Variants in CNTN4 observed in about 807,000 individuals in gnomAD.
CNTN4 encodes contactin 4.
Under a neutral mutation model 122.5 loss-of-function variants are expected in CNTN4, and 77 were observed. That is an observed-to-expected ratio of 0.63 (90% CI 0.52 to 0.76). The LOEUF is 0.76. CNTN4 is among the 30% of genes least tolerant of loss of function. The pLI, the probability that CNTN4 is intolerant of heterozygous loss-of-function variation, is 0.00. For synonymous variants in CNTN4, 512 were observed against 447.0 expected (o/e 1.15, Z -1.83); for missense variants, 1,256 against 1,259.1 (o/e 1.00, Z 0.04).
chr3:2,900,947 G>T lies in CNTN4; in HGVS notation c.1077+126G>T, dbSNP rs1159116804. 33 of 1,241,618 alleles carry T rather than the reference G, an allele frequency of 2.7e-5. No homozygotes were observed. The South Asian group carries it at 3.9e-4, about 15-fold the overall frequency. 76.9% of individuals were successfully genotyped at this position (1,241,618 alleles called of 1,614,324 possible). ...ATATGCAATGAAACAGCATTATGGT[G>T]GAAAAAGTGAGAGTGAATGCAATTG... On this transcript the variant is annotated intron_variant, in intron 11 of 24. Coordinates refer to ENST00000418658, the MANE Select transcript of CNTN4 (RefSeq NM_175607.3).
intron 3 of CNTN4, among the ~76,000 whole-genome samples, chr3:2,506,653 C>G (rs960022055): frequency 6.6e-6 from 1 of 152,192 alleles, no homozygotes; most frequent in Non-Finnish European, 1.5e-5. Flanking sequence ...AAAACTGTAT[C>G]TATTTCAGGA....
intron 5 of CNTN4, among the ~76,000 whole-genome samples, chr3:2,744,667 G>C (rs1174853871): frequency 6.6e-6 from 1 of 152,208 alleles, no homozygotes; most frequent in Non-Finnish European, 1.5e-5. Context: ...AATGACTTCT[G>C]AAAGGAGATT....
chr3:2,555,203 T>TA (rs1400895199), intron 3 of CNTN4, among the ~76,000 whole-genome samples: 2 of 152,226 alleles, frequency 1.3e-5, no homozygotes, highest in Non-Finnish European at 2.9e-5. Flanking sequence ...GTGAGTCACT[T>TA]ATCCACAAAG....
intron 23 of CNTN4, among the ~76,000 whole-genome samples, chr3:3,053,464 C>T (rs1293273899): frequency 6.6e-6 from 1 of 152,234 alleles, no homozygotes; most frequent in Non-Finnish European, 1.5e-5. Context: ...TATTCTGATG[C>T]CAAAGCACCG....
At chr3:2,254,830 T>C (rs1050534944) in intron 2 of CNTN4, among the ~76,000 whole-genome samples, 2 of 152,182 alleles carry the variant, frequency 1.3e-5, no homozygotes, top group African/African-American at 4.8e-5. Context: ...TCTCATTCTA[T>C]AGGTTGCCTT....
chr3:2,833,482 C>G (rs1415714094), intron 7 of CNTN4, among the ~76,000 whole-genome samples: 1 of 152,120 alleles, frequency 6.6e-6, no homozygotes, highest in African/African-American at 2.4e-5. Context: ...GACAGGTCAT[C>G]AGTGTGTATG....
intron 15 of CNTN4, among the ~76,000 whole-genome samples, chr3:3,029,168 A>C (rs143950032): frequency 1.3e-5 from 2 of 152,212 alleles, no homozygotes; most frequent in Non-Finnish European, 2.9e-5. Flanking sequence ...TGAGAAGCCA[A>C]GTGTTACAAA....
chr3:2,669,609 C>T (rs560913183), intron 4 of CNTN4, among the ~76,000 whole-genome samples: 1 of 152,240 alleles, frequency 6.6e-6, no homozygotes, highest in African/African-American at 2.4e-5. Context: ...CTGCTCTGAT[C>T]TTAGTTATTT....
At chr3:2,941,080 C>CAACG (rs2151501957) in intron 13 of CNTN4, among the ~76,000 whole-genome samples, 1 of 152,278 alleles carries the variant, frequency 6.6e-6, no homozygotes, top group African/African-American at 2.4e-5. Flanking sequence ...CAGGTGAATG[C>CAACG]AATGTGTTCC....
At position 2,878,553 on chromosome 3, in the gene CNTN4, C is replaced by CTGTGTGTGTGTGTGTGTG. The variant is rs60925207; in HGVS notation, c.653-4572_653-4555dup. ...AAGAGAACAACAGAAGAGATGCTCT[C>CTGTGTGTGTGTGTGTGTG]TGTGTGTGTGTGTGTGTGTGTGTGT... On this transcript the variant is annotated intron_variant, in intron 8 of 24. Coordinates refer to ENST00000418658, the MANE Select transcript of CNTN4 (RefSeq NM_175607.3). Among the ~76,000 whole-genome samples, 1,152 of 146,918 alleles carry CTGTGTGTGTGTGTGTGTG rather than the reference C, an allele frequency of 7.8e-3. 5 individuals carry two copies. The highest frequency in any genetic ancestry group is 0.011 in the Middle Eastern group (3 of 284).
At chr3:2,765,134 T>TA (rs1441879764) in intron 6 of CNTN4, among the ~76,000 whole-genome samples, 1 of 152,242 alleles carries the variant, frequency 6.6e-6, no homozygotes, top group Non-Finnish European at 1.5e-5. Context: ...TACTGTCAAC[T>TA]AAACTCCACT....
At chr3:2,139,149 C>T (rs1366856304) in intron 2 of CNTN4, among the ~76,000 whole-genome samples, 3 of 152,044 alleles carry the variant, frequency 2.0e-5, no homozygotes, top group Non-Finnish European at 4.4e-5. Flanking sequence ...AATGGCAGAG[C>T]GTAGATCCTG....
chr3:2,660,270 T>C (rs1447330574), intron 4 of CNTN4, among the ~76,000 whole-genome samples: 1 of 151,656 alleles, frequency 6.6e-6, no homozygotes, highest in Non-Finnish European at 1.5e-5. Context: ...AAAAAAGAAA[T>C]AGAGTTATGA....
chr3:2,125,935 G>A (rs1051088635), intron 2 of CNTN4, among the ~76,000 whole-genome samples: 1 of 151,476 alleles, frequency 6.6e-6, no homozygotes, highest in African/African-American at 2.4e-5. Context: ...GTGTATGTGT[G>A]TATGTGTGTG....
At chr3:3,032,621 T>C (rs1207565857) in intron 16 of CNTN4, among the ~76,000 whole-genome samples, 9 of 152,236 alleles carry the variant, frequency 5.9e-5, no homozygotes, top group Non-Finnish European at 2.9e-5. Flanking sequence ...ATTTGAAACG[T>C]ATAGCAGCTT....
intron 4 of CNTN4, among the ~76,000 whole-genome samples, chr3:2,626,608 A>G (rs190890536): frequency 6.6e-6 from 1 of 152,330 alleles, no homozygotes; most frequent in Non-Finnish European, 1.5e-5. Flanking sequence ...ATTACCCAAG[A>G]GGAGAGGAAA....
At chr3:2,341,058 T>C (rs751135584) in intron 3 of CNTN4, among the ~76,000 whole-genome samples, 47 of 152,252 alleles carry the variant, frequency 3.1e-4, no homozygotes, top group Admixed American at 6.5e-4. Context: ...TCCAAGATAC[T>C]CTGAGTGTCC....
intron 3 of CNTN4, among the ~76,000 whole-genome samples, chr3:2,507,762 A>G (rs1228215360): frequency 6.7e-6 from 1 of 149,370 alleles, no homozygotes; most frequent in Non-Finnish European, 1.5e-5. Flanking sequence ...AAAGAAAGAA[A>G]AAAGAAAATT....
At chr3:2,566,413 G>T (rs2079160858) in intron 3 of CNTN4, among the ~76,000 whole-genome samples, 1 of 152,148 alleles carries the variant, frequency 6.6e-6, no homozygotes, top group Admixed American at 6.5e-5. Flanking sequence ...ATGTTATAAG[G>T]ATTAAATGAG....
Sources: allele counts gnomAD v4.1 joint callset (sites outside exome capture counted in the v4.1 genomes callset), GRCh38; gene constraint gnomAD v4.1.1; transcripts MANE v1.5; gene names NCBI Gene and HGNC (gene_info 2026-07-23, HGNC 2026-07-21).